The following NALF1 variants were observed in gnomAD, a reference collection of about 807,000 sequenced individuals.
The protein encoded by NALF1 is family with sequence similarity 155 member A.
Under a neutral mutation model 48.4 loss-of-function variants are expected in NALF1, and 3 were observed. The ratio of observed to expected loss-of-function variants is 0.06; its 90% CI spans 0.03 to 0.16. The LOEUF (loss-of-function observed/expected upper bound fraction) is 0.16. Ranked by LOEUF, NALF1 falls within the 10% of genes least tolerant of loss-of-function variation. NALF1 has a pLI of 1.00. For missense variants in NALF1, 526 were observed against 571.5 expected (o/e 0.92, Z 0.81); for synonymous variants, 262 against 245.7 (o/e 1.07, Z -0.62).
At chr13:107,483,447 C>A (rs962581052) in intron 1 of NALF1, among the ~76,000 whole-genome samples, 1 of 152,118 alleles carries the variant, frequency 6.6e-6, no homozygotes, top group Non-Finnish European at 1.5e-5. Flanking sequence ...TTCATATAAT[C>A]AGATTTCCAT....
At position 107,164,311 on chromosome 13, in the gene NALF1, T is replaced by A. The variant is rs1267123888; in HGVS notation, c.*6186A>T. The A allele has an allele frequency of 2.6e-5, 4 of 152,224 alleles. No homozygotes were observed. Among genetic ancestry groups the A allele is most frequent in the East Asian group, 1.9e-4 (1 of 5,206 alleles). The allele number at this position is 152,224 out of a possible 1,614,324, so 9.4% of individuals were successfully genotyped here. A position where few individuals can be genotyped will look rare whatever the true frequency, so the allele number is the denominator to read the frequency against. ...CTGCTTAATCTATTTCCATATACTT[T>A]ATCAAAAACTGAACAGGTTTTCTAA... On this transcript the variant is annotated 3_prime_UTR_variant, in exon 3 of 3. Transcript: ENST00000375915.
rs777239596 is a variant in NALF1, at chr13:107,323,451, T to TA, written c.916-112697dup. ...TATTTTTGGAGATTGAGGGAATGAT[T>TA]ATTTGATCTGCCTCTGAGTTTATTT... On this transcript the variant is annotated intron_variant, in intron 1 of 2. Coordinates refer to ENST00000375915, the MANE Select transcript of NALF1 (RefSeq NM_001080396.3). 3.3e-5 allele frequency among the ~76,000 whole-genome samples: 5 copies of TA among 152,328 alleles called. No individual in the cohort carries two copies. In the East Asian group the frequency reaches 9.6e-4, roughly 29 times the overall value.
At chr13:107,567,776 C>T (rs1448724695) in intron 1 of NALF1, among the ~76,000 whole-genome samples, 1 of 152,106 alleles carries the variant, frequency 6.6e-6, no homozygotes, top group Non-Finnish European at 1.5e-5. Context: ...CCTTTATAGC[C>T]AAACCCACCC....
intron 1 of NALF1, among the ~76,000 whole-genome samples, chr13:107,762,616 G>A (rs538748150): frequency 2.0e-5 from 3 of 152,162 alleles, no homozygotes; most frequent in African/African-American, 7.2e-5. Flanking sequence ...TCAAACAGGA[G>A]AGGAGGAGTC....
At chr13:107,275,127 A>G (rs1298144885) in intron 1 of NALF1, among the ~76,000 whole-genome samples, 2 of 152,164 alleles carry the variant, frequency 1.3e-5, no homozygotes, top group African/African-American at 2.4e-5. Flanking sequence ...ATACAAAACT[A>G]CTATTTTTGC....
chr13:107,655,805 A>C (rs1034796398), intron 1 of NALF1, among the ~76,000 whole-genome samples: 2 of 152,190 alleles, frequency 1.3e-5, no homozygotes, highest in Admixed American at 6.5e-5. Flanking sequence ...CTGTTATAAA[A>C]ATAGTCACAT....
chr13:107,297,002 ATAGAT>A (rs1322736979), intron 1 of NALF1, among the ~76,000 whole-genome samples: 9 of 152,002 alleles, frequency 5.9e-5, no homozygotes, highest in Non-Finnish European at 1.0e-4. Flanking sequence ...CCAGACCTAC[ATAGAT>A]TAGAGTTTTT....
At chr13:107,450,630 G>T (rs1002645809) in intron 1 of NALF1, among the ~76,000 whole-genome samples, 6 of 152,168 alleles carry the variant, frequency 3.9e-5, no homozygotes, top group African/African-American at 1.2e-4. Context: ...TCAAGGGCGA[G>T]AAAGGCTGCA....
At chr13:107,294,994 T>C (rs1369812481) in intron 1 of NALF1, among the ~76,000 whole-genome samples, 2 of 151,968 alleles carry the variant, frequency 1.3e-5, no homozygotes, top group South Asian at 4.1e-4. Flanking sequence ...TCTTTTTTTT[T>C]CTTTTGACTT....
rs117647607 is a variant in NALF1 at position 107,188,514 on chromosome 13, C to A, written c.1088-17728G>T. Among the ~76,000 whole-genome samples, 38 of 152,086 alleles carry A rather than the reference C, an allele frequency of 2.5e-4. No individual in the cohort carries two copies. The East Asian group carries it at 7.2e-3, about 29-fold the overall frequency. On this transcript the variant is annotated intron_variant, in intron 2 of 2. Coordinates refer to ENST00000375915, the MANE Select transcript of NALF1 (RefSeq NM_001080396.3). ...TATACATTTATAATTTTTATCATAT[C>A]TTTTTAAAGTCAGGGCAAATTTTAA...
At chr13:107,706,690 T>C (rs1025286414) in intron 1 of NALF1, among the ~76,000 whole-genome samples, 5 of 152,280 alleles carry the variant, frequency 3.3e-5, no homozygotes, top group South Asian at 4.1e-4. Context: ...CCCACTCACA[T>C]AAAGTAGGCT....
At chr13:107,620,334 T>A (rs1029467170) in intron 1 of NALF1, among the ~76,000 whole-genome samples, 1 of 152,170 alleles carries the variant, frequency 6.6e-6, no homozygotes, top group Admixed American at 6.5e-5. Flanking sequence ...CAAACACTAA[T>A]AGAGATAATC....
intron 1 of NALF1, among the ~76,000 whole-genome samples, chr13:107,605,975 G>C (rs971131411): frequency 2.0e-5 from 3 of 152,142 alleles, no homozygotes; most frequent in African/African-American, 7.2e-5. Context: ...GCAAACCTGG[G>C]AGTGTTTCAA....
intron 1 of NALF1, among the ~76,000 whole-genome samples, chr13:107,822,521 G>A (rs960866235): frequency 6.6e-6 from 1 of 152,010 alleles, no homozygotes; most frequent in Admixed American, 6.6e-5. Context: ...AGCCTACAGA[G>A]GATTCCACTA....
intron 2 of NALF1, among the ~76,000 whole-genome samples, chr13:107,177,850 G>T (rs921009568): frequency 2.0e-5 from 3 of 152,196 alleles, no homozygotes; most frequent in African/African-American, 7.2e-5. Context: ...AGGAGTGTGA[G>T]ACCACCCTGG....
At chr13:107,186,833 C>T (rs1215972502) in intron 2 of NALF1, among the ~76,000 whole-genome samples, 1 of 152,158 alleles carries the variant, frequency 6.6e-6, no homozygotes, top group African/African-American at 2.4e-5. Flanking sequence ...GATGATTTAA[C>T]TGGTTTATCT....
intron 2 of NALF1, among the ~76,000 whole-genome samples, chr13:107,203,146 G>A (rs752828217): frequency 2.4e-4 from 37 of 152,166 alleles, no homozygotes; most frequent in Non-Finnish European, 5.1e-4. Flanking sequence ...GACAAGATAG[G>A]TAAATACTCT....
intron 1 of NALF1, among the ~76,000 whole-genome samples, chr13:107,679,168 A>G (rs567976629): frequency 4.6e-5 from 7 of 152,356 alleles, no homozygotes; most frequent in Admixed American, 3.9e-4. Flanking sequence ...AAAATATGAT[A>G]ATTGCATCTA....
chr13:107,312,249 A>T (rs1228938203), intron 1 of NALF1, among the ~76,000 whole-genome samples: 1 of 152,224 alleles, frequency 6.6e-6, no homozygotes, highest in Non-Finnish European at 1.5e-5. Context: ...GCCATAAAAA[A>T]TGATGATTTC....
Sources: allele counts gnomAD v4.1 joint callset (sites outside exome capture counted in the v4.1 genomes callset), GRCh38; gene constraint gnomAD v4.1.1; transcripts MANE v1.5; gene names NCBI Gene and HGNC (gene_info 2026-07-23, HGNC 2026-07-21).